Variants in SAMD12 observed in about 807,000 individuals in gnomAD.
SAMD12 encodes the protein sterile alpha motif domain-containing protein 12.
A neutral mutation model predicts 15.0 loss-of-function variants in SAMD12; 9 were observed. That is an observed-to-expected ratio of 0.60 (90% CI 0.36 to 1.05). SAMD12 has a LOEUF of 1.05. SAMD12 is among the 50% of genes least tolerant of loss of function. The pLI, the probability that SAMD12 is intolerant of heterozygous loss-of-function variation, is 0.01. For synonymous variants in SAMD12, 86 were observed against 90.1 expected, an observed-to-expected ratio of 0.96 and a Z score of 0.25; for missense variants, 230 against 234.2, an observed-to-expected ratio of 0.98 and a Z score of 0.12.
intron 4 of SAMD12, among the ~76,000 whole-genome samples, chr8:118,199,898 G>A (rs17507278): frequency 0.023 from 3,492 of 152,192 alleles, 150 homozygotes; most frequent in African/African-American, 0.08. Flanking sequence ...CAAATGATAT[G>A]GTTTGGCTGT....
chr8:118,621,695 C>T, intron 1 of SAMD12, 109 bp downstream of exon 1: 1 of 1,294,460 alleles, frequency 7.7e-7, no homozygotes, highest in Non-Finnish European at 1.1e-6. Context: ...GCCCGCTCTC[C>T]GCCACCCCCT....
At chr8:118,468,412 CCTG>C (rs558866314) in intron 2 of SAMD12, among the ~76,000 whole-genome samples, 51 of 152,236 alleles carry the variant, frequency 3.4e-4, no homozygotes, top group African/African-American at 1.2e-3. Flanking sequence ...TTTCAACTAC[CCTG>C]CTATTATTGC....
chr8:118,481,952 T>C (rs1035980883), intron 2 of SAMD12, among the ~76,000 whole-genome samples: 16 of 152,210 alleles, frequency 1.1e-4, no homozygotes, highest in African/African-American at 3.9e-4. Context: ...CTCGTTTAAT[T>C]TCCCCAACAG....
intron 3 of SAMD12, among the ~76,000 whole-genome samples, chr8:118,393,972 G>T (rs1820423409): frequency 6.6e-6 from 1 of 152,090 alleles, no homozygotes; most frequent in Admixed American, 6.5e-5. Context: ...AAATTCAGGG[G>T]CTTCATCAAT....
chr8:118,201,533 CTTA>C (rs769119160), intron 4 of SAMD12, among the ~76,000 whole-genome samples: 19 of 152,078 alleles, frequency 1.2e-4, no homozygotes, highest in Admixed American at 3.9e-4. Context: ...GATGCCATGT[CTTA>C]TTGTTGTGTA....
chr8:118,584,213 T>A (rs1827370048), intron 1 of SAMD12, among the ~76,000 whole-genome samples: 1 of 152,222 alleles, frequency 6.6e-6, no homozygotes, highest in East Asian at 1.9e-4. Context: ...GTAGTTGATT[T>A]AGGTTTTTGT....
intron 4 of SAMD12, among the ~76,000 whole-genome samples, chr8:118,297,618 A>C (rs1814782052): frequency 1.3e-5 from 2 of 152,202 alleles, no homozygotes; most frequent in Non-Finnish European, 2.9e-5. Context: ...AGATTAAAAA[A>C]ATTTTTTTGG....
chr8:118,580,489 G>A (rs1827265774), intron 2 of SAMD12, among the ~76,000 whole-genome samples: 1 of 152,132 alleles, frequency 6.6e-6, no homozygotes, highest in Non-Finnish European at 1.5e-5. Context: ...TATAACCTCA[G>A]AGCCTCACAC....
rs139625748 is a variant in SAMD12, at chr8:118,543,905, T to G, written c.192+36810A>C. ...TTCCTTTATCTCCAGGGTCTCTCCA[T>G]GCCAAATAACCGGGGCTAAATGAAT... is the stretch of plus-strand genomic sequence containing the variant. On this transcript the variant is annotated intron_variant, in intron 2 of 3. Coordinates refer to ENST00000314727, the MANE Select transcript of SAMD12 (RefSeq NM_207506.3). Among the ~76,000 whole-genome samples, 8 of 152,310 alleles carry G rather than the reference T, an allele frequency of 5.3e-5. No homozygotes were observed. In the East Asian group the frequency reaches 1.5e-3, roughly 29 times the overall value.
chr8:118,611,560 A>G (rs1395653865), intron 1 of SAMD12, among the ~76,000 whole-genome samples: 1 of 150,910 alleles, frequency 6.6e-6, no homozygotes, highest in East Asian at 1.9e-4. Flanking sequence ...GTCATCAAGC[A>G]GGAAATAAAC....
chr8:118,287,859 C>T (rs1263136803), intron 4 of SAMD12, among the ~76,000 whole-genome samples: 1 of 152,032 alleles, frequency 6.6e-6, no homozygotes. Flanking sequence ...TGGAAAAGCC[C>T]CTAATAAATA....
intron 4 of SAMD12, among the ~76,000 whole-genome samples, chr8:118,244,174 G>A (rs749016240): frequency 3.3e-5 from 5 of 152,018 alleles, no homozygotes; most frequent in South Asian, 2.1e-4. Flanking sequence ...TACATACTGC[G>A]CATATATAAA....
intron 4 of SAMD12, among the ~76,000 whole-genome samples, chr8:118,306,027 G>A (rs760911538): frequency 5.3e-5 from 8 of 152,100 alleles, no homozygotes; most frequent in Non-Finnish European, 1.0e-4. Context: ...CTGTTACTTC[G>A]AGGTTCTGCC....
intron 4 of SAMD12, among the ~76,000 whole-genome samples, chr8:118,217,002 C>T (rs1406173284): frequency 6.6e-6 from 1 of 152,136 alleles, no homozygotes; most frequent in African/African-American, 2.4e-5. Flanking sequence ...GTGTCTTCAT[C>T]TGGTCTCTAC....
chr8:118,177,742 AAC>A, the SAMD12 span, among the ~76,000 whole-genome samples: 5 of 103,750 alleles, frequency 4.8e-5, no homozygotes, highest in South Asian at 3.6e-4. Flanking sequence ...AAAATAAAAA[AAC>A]AACATAAAGG....
At chr8:118,201,998 A>G (rs1226509864) in intron 4 of SAMD12, among the ~76,000 whole-genome samples, 1 of 152,212 alleles carries the variant, frequency 6.6e-6, no homozygotes, top group African/African-American at 2.4e-5. Flanking sequence ...TCTGGCAGAT[A>G]TGGGTTCACA....
intron 3 of SAMD12, among the ~76,000 whole-genome samples, chr8:118,403,607 G>A (rs187967475): frequency 6.6e-6 from 1 of 152,250 alleles, no homozygotes; most frequent in Admixed American, 6.5e-5. Flanking sequence ...CACACAGGAA[G>A]GCCCTAGTAA....
At chr8:118,539,192 A>G (rs1255452000) in intron 2 of SAMD12, among the ~76,000 whole-genome samples, 1 of 152,222 alleles carries the variant, frequency 6.6e-6, no homozygotes, top group Non-Finnish European at 1.5e-5. Flanking sequence ...TATACCTGCC[A>G]AGATCTGCTT....
intron 4 of SAMD12, among the ~76,000 whole-genome samples, chr8:118,344,092 T>C (rs930656720): frequency 6.6e-6 from 1 of 152,182 alleles, no homozygotes; most frequent in Non-Finnish European, 1.5e-5. Context: ...ACAGCAAACT[T>C]CAATCCAAAC....
Sources: gnomAD v4.1 joint callset for allele counts (sites outside exome capture counted in the v4.1 genomes callset) on GRCh38, gnomAD v4.1.1 for gene constraint, MANE v1.5 for transcripts, NCBI Gene and HGNC (gene_info 2026-07-23, HGNC 2026-07-21) for gene names.